MALRD1: variants seen among roughly 807,000 people sequenced by gnomAD.
The protein encoded by MALRD1 is MAM and LDL-receptor class A domain-containing protein 1.
MALRD1 carries 247 observed loss-of-function variants against 242.1 expected under a neutral mutation model. That is an observed-to-expected ratio of 1.02 (90% CI 0.92 to 1.13). MALRD1 has a LOEUF of 1.13. MALRD1 is among the 50% of genes most tolerant of loss of function. The pLI is 0.00. For missense variants in MALRD1, 2,989 were observed against 2,533.1 expected (o/e 1.18, Z -3.86); for synonymous variants, 995 against 866.6 (o/e 1.15, Z -2.60).
Position 19,628,731 on chromosome 10 carries a change from G to T in MALRD1, c.6137+12808G>T, listed in dbSNP as rs1839785324. 4.6e-5 allele frequency among the ~76,000 whole-genome samples: 7 copies of T among 151,990 alleles called. No homozygotes were observed. In the South Asian group the frequency reaches 1.5e-3, roughly 32 times the overall value. On this transcript the variant is annotated intron_variant, in intron 36 of 39. Transcript: ENST00000454679. ...TTATAACTTAAAAAAGCATTAAAAA[G>T]ATTTTTGAAAACATATGTTGCTAAT...
intron 24 of MALRD1, among the ~76,000 whole-genome samples, chr10:19,334,852 G>A (rs969409109): frequency 6.6e-6 from 1 of 152,078 alleles, no homozygotes; most frequent in African/African-American, 2.4e-5. Context: ...TAATGCTTTT[G>A]AATTTTATTT....
intron 26 of MALRD1, among the ~76,000 whole-genome samples, chr10:19,376,052 A>T (rs1273783675): frequency 6.6e-6 from 1 of 152,020 alleles, no homozygotes; most frequent in African/African-American, 2.4e-5. Context: ...AACCCAGGAG[A>T]TGGAGGTTGC....
intron 36 of MALRD1, among the ~76,000 whole-genome samples, chr10:19,638,101 C>CAAAAAAAAAAAAAAAAAAAAAAAAAAA (rs56865342): frequency 2.4e-5 from 1 of 41,924 alleles, no homozygotes; most frequent in African/African-American, 6.2e-5. Context: ...AACTCACTCT[C>CAAAAAAAAAAAAAAAAAAAAAAAAAAA]AAAAAAAAAA....
chr10:19,529,995 A>T (rs1180837364), intron 31 of MALRD1, among the ~76,000 whole-genome samples: 2 of 152,060 alleles, frequency 1.3e-5, no homozygotes, highest in Non-Finnish European at 2.9e-5. Context: ...TGATGTATAA[A>T]TTCAATGCAA....
At chr10:19,705,844 A>G (rs1833842121) in intron 38 of MALRD1, among the ~76,000 whole-genome samples, 1 of 150,276 alleles carries the variant, frequency 6.7e-6, no homozygotes, top group Non-Finnish European at 1.5e-5. Flanking sequence ...TTCAAAGGAA[A>G]GAAAGCATTT....
chr10:19,321,607 T>C (rs1003814221), intron 21 of MALRD1, among the ~76,000 whole-genome samples: 8 of 152,164 alleles, frequency 5.3e-5, no homozygotes, highest in Non-Finnish European at 1.2e-4. Context: ...ACCTTAAATA[T>C]TTGTCTTTTC....
At chr10:19,511,298 A>G (rs570128017) in intron 31 of MALRD1, among the ~76,000 whole-genome samples, 7 of 152,302 alleles carry the variant, frequency 4.6e-5, no homozygotes, top group Admixed American at 1.3e-4. Flanking sequence ...CATGGAGTCA[A>G]AAAGATCAGC....
At chr10:19,096,008 A>G (rs912799444) in intron 4 of MALRD1, among the ~76,000 whole-genome samples, 3 of 152,114 alleles carry the variant, frequency 2.0e-5, no homozygotes, top group African/African-American at 7.2e-5. Flanking sequence ...ATCTTTTTCA[A>G]CTTTGAAACA....
chr10:19,685,135 A>G (rs1263349798), intron 36 of MALRD1, among the ~76,000 whole-genome samples: 1 of 152,206 alleles, frequency 6.6e-6, no homozygotes, highest in Admixed American at 6.5e-5. Flanking sequence ...ATGGTCCATA[A>G]ATGCCCAGGT....
rs1836732659 is a variant in MALRD1, at chr10:19,205,213, G to C, written c.2526G>C (p.Arg842=). The change falls in exon 17 of 40, where the codon CGG becomes CGC. Residue 842 remains arginine (R), a synonymous_variant. Transcript: ENST00000454679. ...CCAGGGCTTGCATAGAAAAGCTTCG[G>C]TTATGTGATCTGGTGGATGACTGTG... The part of the protein sequence containing the change: ...RHTRACIEKL[R]LCDLVDDCGD... The C allele has an allele frequency of 6.4e-7, 1 of 1,550,940 alleles. No homozygotes were observed. The highest frequency in any genetic ancestry group is 2.0e-5 in the Admixed American group (1 of 50,960).
At chr10:19,566,186 T>C (rs752349150) in intron 32 of MALRD1, among the ~76,000 whole-genome samples, 6 of 152,026 alleles carry the variant, frequency 3.9e-5, no homozygotes, top group African/African-American at 1.4e-4. Flanking sequence ...TGGAATGCAG[T>C]GGCATGATCT....
intron 33 of MALRD1, among the ~76,000 whole-genome samples, chr10:19,592,709 C>T (rs1837864551): frequency 6.7e-6 from 1 of 149,390 alleles, no homozygotes; most frequent in African/African-American, 2.5e-5. Context: ...TGCATATCCA[C>T]TATAAGGAAA....
At chr10:19,603,416 A>G (rs1263947627) in intron 34 of MALRD1, among the ~76,000 whole-genome samples, 1 of 152,180 alleles carries the variant, frequency 6.6e-6, no homozygotes, top group Non-Finnish European at 1.5e-5. Context: ...CCATATGGCT[A>G]GCCAGTTTTC....
intron 33 of MALRD1, among the ~76,000 whole-genome samples, chr10:19,580,820 G>A (rs996381278): frequency 5.3e-5 from 8 of 152,132 alleles, no homozygotes; most frequent in East Asian, 3.9e-4. Flanking sequence ...TTGTCTCTCT[G>A]TCTGGCTTTT....
At chr10:19,567,725 T>C in intron 33 of MALRD1, 22 bp downstream of exon 33, 2 of 1,539,348 alleles carry the variant, frequency 1.3e-6, no homozygotes. Flanking sequence ...TTTCAGAAAA[T>C]GGGAATAAGT....
chr10:19,333,250 G>A (rs1013729007), intron 24 of MALRD1, among the ~76,000 whole-genome samples: 1 of 152,140 alleles, frequency 6.6e-6, no homozygotes, highest in African/African-American at 2.4e-5. Flanking sequence ...TTGTCAGCCA[G>A]ATAGTGAGCA....
At position 19,264,209 on chromosome 10, in the gene MALRD1, A is replaced by T. The variant is rs147723949; in HGVS notation, c.3079+6438A>T. Among the ~76,000 whole-genome samples, 742 of 152,232 alleles carry T rather than the reference A, an allele frequency of 4.9e-3. 4 individuals are homozygous for T. The highest frequency in any genetic ancestry group is 8.5e-3 in the Non-Finnish European group (581 of 68,000). ...CGTGATCATAAGATTTTAAGCCTTC[A>T]TTCTGTTAATGTTATGTATCACATT... is the stretch of plus-strand genomic sequence containing the variant. On this transcript the variant is annotated intron_variant, in intron 19 of 39. Coordinates refer to ENST00000454679, the MANE Select transcript of MALRD1 (RefSeq NM_001142308.3).
At chr10:19,340,913 C>T (rs534520984) in intron 24 of MALRD1, among the ~76,000 whole-genome samples, 1 of 152,210 alleles carries the variant, frequency 6.6e-6, no homozygotes, top group Non-Finnish European at 1.5e-5. Context: ...TCATAAACTT[C>T]ATGTTAGCAA....
intron 18 of MALRD1, among the ~76,000 whole-genome samples, chr10:19,235,524 C>G (rs1229053508): frequency 7.1e-6 from 1 of 140,438 alleles, no homozygotes; most frequent in Non-Finnish European, 1.5e-5. Flanking sequence ...AAAAAACAAA[C>G]AAAAACCAGA....
Sources: gnomAD v4.1 joint callset for allele counts (sites outside exome capture counted in the v4.1 genomes callset) on GRCh38, gnomAD v4.1.1 for gene constraint, MANE v1.5 for transcripts, NCBI Gene and HGNC (gene_info 2026-07-23, HGNC 2026-07-21) for gene names.